NADK: variants seen among roughly 807,000 people sequenced by gnomAD.
The protein encoded by NADK is NAD kinase.
In NADK, 22 loss-of-function variants were observed where a neutral mutation model predicts 49.8. That is an observed-to-expected ratio of 0.44 (90% CI 0.32 to 0.63). The LOEUF is 0.63. NADK is among the 30% of genes least tolerant of loss of function. The pLI, the probability that NADK is intolerant of heterozygous loss-of-function variation, is 0.06. For missense variants in NADK, 438 were observed against 609.4 expected, an observed-to-expected ratio of 0.72 and a Z score of 2.96; for synonymous variants, 268 against 253.7, an observed-to-expected ratio of 1.06 and a Z score of -0.54.
intron 3 of NADK, 106 bp downstream of exon 3, chr1:1,761,846 C>T (rs994236173): frequency 2.0e-6 from 2 of 985,744 alleles, no homozygotes; most frequent in Non-Finnish European, 3.2e-6. Context: ...CACAACTCCA[C>T]ACACATCCCG....
At chr1:1,767,761 G>T (rs1645929069) in intron 1 of NADK, among the ~76,000 whole-genome samples, 1 of 152,114 alleles carries the variant, frequency 6.6e-6, no homozygotes, top group Non-Finnish European at 1.5e-5. Context: ...TGATCCTCCT[G>T]CCTTGGCTTC....
chr1:1,777,031 T>G (rs1197198318), intron 1 of NADK, among the ~76,000 whole-genome samples: 1 of 152,262 alleles, frequency 6.6e-6, no homozygotes, highest in Admixed American at 6.5e-5. Context: ...TGAGCTATAA[T>G]CATGCCACCA....
chr1:1,764,487 C>A (rs989289822), intron 2 of NADK, among the ~76,000 whole-genome samples: 1 of 152,216 alleles, frequency 6.6e-6, no homozygotes, highest in Admixed American at 6.5e-5. Context: ...CCGCCCAAGG[C>A]CACGCTCATA....
At chr1:1,758,341 C>T (rs967570198) in intron 3 of NADK, 4 of 1,591,108 alleles carry the variant, frequency 2.5e-6, no homozygotes, top group Non-Finnish European at 3.4e-6. Context: ...CGCTTGTGAC[C>T]TTCGGAAGCT....
At chr1:1,761,334 C>T (rs1230977073) in intron 3 of NADK, among the ~76,000 whole-genome samples, 5 of 152,096 alleles carry the variant, frequency 3.3e-5, no homozygotes, top group African/African-American at 9.7e-5. Context: ...CCATGTTGCC[C>T]GGGCTGGTCT....
At chr1:1,759,991 G>A (rs1480749786) in intron 3 of NADK, 7 of 1,401,618 alleles carry the variant, frequency 5.0e-6, no homozygotes, top group East Asian at 2.5e-5. Context: ...ACAGGATGGC[G>A]GGACAGAGCC....
chr1:1,759,104 G>T (rs1244941435), intron 3 of NADK: 1 of 1,540,190 alleles, frequency 6.5e-7, no homozygotes, highest in Non-Finnish European at 8.8e-7. Context: ...CACTGACCCA[G>T]TGGCCTGGCC....
In NADK at chr1:1,752,910, C is replaced by T. The variant is rs558864951; in HGVS notation, c.1335G>A (p.Glu445=). Residue 445 remains glutamate (E), a synonymous_variant, in exon 12 of 12, where the codon GAG becomes GAA. Coordinates refer to ENST00000341426, the MANE Select transcript of NADK (RefSeq NM_023018.5). ...GCCTGGATAGGGGCTTGACCTAGCCCTCCTCCTCCTCCTCCTCCTCCTCCT... is the reference window on the plus strand; with the variant it reads ...GCCTGGATAGGGGCTTGACCTAGCCTTCCTCCTCCTCCTCCTCCTCCTCCT... The part of the protein sequence containing the change: ...HFEEEEEEEE[E]G 224 of 1,100,644 alleles carry T rather than the reference C, an allele frequency of 2.0e-4. No individual in the cohort carries two copies. The African/African-American group carries it at 3.9e-3, about 19-fold the overall frequency. The allele number at this position is 1,100,644 out of a possible 1,614,324, so 68.2% of individuals were successfully genotyped here.
chr1:1,768,087 C>T (rs1040392761), intron 1 of NADK, among the ~76,000 whole-genome samples: 2 of 151,386 alleles, frequency 1.3e-5, no homozygotes, highest in African/African-American at 4.9e-5. Flanking sequence ...AGGAGAAATG[C>T]TTGAACCCAG....
intron 4 of NADK, chr1:1,756,869 C>G: frequency 1.2e-6 from 1 of 805,066 alleles, no homozygotes; most frequent in Non-Finnish European, 2.2e-6. Context: ...GCCGCAACCC[C>G]CACGCCTGCT....
At chr1:1,774,322 C>T (rs1012259911) in intron 1 of NADK, among the ~76,000 whole-genome samples, 4 of 152,034 alleles carry the variant, frequency 2.6e-5, no homozygotes, top group African/African-American at 9.7e-5. Context: ...ACTCTGCCTC[C>T]CAGGTTCAAG....
At position 1,756,538 on chromosome 1, in the gene NADK, C is replaced by G; in HGVS notation, c.464G>C (p.Gly155Ala). The G allele has an allele frequency of 6.2e-7, 1 of 1,614,096 alleles. No individual in the cohort carries two copies. Among genetic ancestry groups the G allele is most frequent in the Non-Finnish European group, 8.5e-7 (1 of 1,180,040 alleles). The change falls in exon 5 of 12, where the codon GGG (glycine) becomes GCG (alanine). Residue 155 changes from glycine to alanine, a missense_variant. Gly to Ala is a moderately conservative substitution (Grantham distance 60, BLOSUM62 0). Transcript: ENST00000341426. ...DPAIASDESFGAVKKKFCTFR... is the reference protein window; with the variant it reads ...DPAIASDESFAAVKKKFCTFR... ...GGTACAGAATTTCTTCTTCACTGCC[C>G]CAAAGCTTTCATCGCTGGCGATGGC...
In NADK at chr1:1,760,428, C is replaced by T. The variant is rs184534099; in HGVS notation, c.263+1524G>A. ...AGAGCAGCTCCTCGGATGACTCCCC[C>T]GTGGCTCCTGGGACCTGAACTTCGG... On this transcript the variant is annotated intron_variant, in intron 3 of 11. Coordinates refer to ENST00000341426, the MANE Select transcript of NADK (RefSeq NM_023018.5). Among the ~76,000 whole-genome samples the T allele has an allele frequency of 1.8e-4, 27 of 152,340 alleles. No homozygotes were observed. In the East Asian group the frequency reaches 3.5e-3, roughly 20 times the overall value.
chr1:1,757,367 G>A, intron 3 of NADK, 57 bp from the exon 4 acceptor site: 4 of 1,428,558 alleles, frequency 2.8e-6, no homozygotes, highest in South Asian at 2.4e-5. Flanking sequence ...TGCGGAAAAG[G>A]TGTATGACTT....
rs914203012 is a variant in NADK at position 1,763,571 on chromosome 1, A to G, written c.180-1536T>C. 9.3e-5 allele frequency among the ~76,000 whole-genome samples: 14 copies of G among 151,242 alleles called. No homozygotes were observed. In the East Asian group the frequency reaches 2.7e-3, roughly 29 times the overall value. ...GAGGCAGAGCTTGCAGTGAGCCTAG[A>G]TCACACCACTGCACTCCAGCCTGGG... is the stretch of plus-strand genomic sequence containing the variant. On this transcript the variant is annotated intron_variant, in intron 2 of 11. Transcript: ENST00000341426.
intron 1 of NADK, among the ~76,000 whole-genome samples, chr1:1,766,321 G>A (rs977782595): frequency 4.1e-5 from 6 of 146,492 alleles, no homozygotes; most frequent in Admixed American, 7.0e-5. Flanking sequence ...CAGGAGAATC[G>A]CTTGAACCCG....
At chr1:1,778,518 T>C (rs1411941164), upstream of NADK, 3 of 149,808 alleles carry the variant, frequency 2.0e-5, no homozygotes, top group African/African-American at 4.9e-5. The surrounding 1 kb of genome is among the most constrained non-coding windows in gnomAD (Gnocchi z 4.9). Flanking sequence ...ACGTGGGGCG[T>C]CCCGCGCGTC....
Position 1,773,709 on chromosome 1 carries a change from T to TGAGA in NADK, c.-41+4579_-41+4580insTCTC, listed in dbSNP as rs1209994797. ...GTGTGTGTGTGTGTGTGTGTGTGTG[T>TGAGA]GTGTGTGTGTGTGTGTGTGTGAGAG... On this transcript the variant is annotated intron_variant, in intron 1 of 11. Transcript: ENST00000341426. Among the ~76,000 whole-genome samples the TGAGA allele has an allele frequency of 7.0e-3, 690 of 99,208 alleles. 12 individuals are homozygous for TGAGA. The highest frequency in any genetic ancestry group is 0.015 in the African/African-American group (517 of 34,112). The allele number at this position is 99,208 out of a possible 152,430, so 65.1% of individuals were successfully genotyped here.
In NADK at chr1:1,765,410, C is replaced by A; in HGVS notation, c.-4G>T. ...TTTTTTCTTGTTCCATTTCCATTGT[C>A]AGGAAATGAGAACTTCGGTCAGAAA... On this transcript the variant is annotated 5_prime_UTR_variant, in exon 2 of 12. Transcript: ENST00000341426. 1.3e-6 allele frequency: 2 copies of A among 1,574,756 alleles called. No individual in the cohort carries two copies. The highest frequency in any genetic ancestry group is 1.7e-4 in the Middle Eastern group (1 of 5,918).
Sources: allele counts gnomAD v4.1 joint callset (sites outside exome capture counted in the v4.1 genomes callset), GRCh38; gene constraint gnomAD v4.1.1; non-coding constraint Gnocchi (gnomAD v3.1); transcripts MANE v1.5; gene names NCBI Gene and HGNC (gene_info 2026-07-23, HGNC 2026-07-21).